The following DYNC2H1 variants were observed in gnomAD, a reference collection of about 807,000 sequenced individuals.
DYNC2H1 encodes cytoplasmic dynein 2 heavy chain 1.
In DYNC2H1, 410 loss-of-function variants were observed where a neutral mutation model predicts 570.0. The ratio of observed to expected loss-of-function variants is 0.72; its 90% CI spans 0.66 to 0.78. The LOEUF (loss-of-function observed/expected upper bound fraction) is 0.78. DYNC2H1 is among the 30% of genes least tolerant of loss of function. DYNC2H1 has a pLI of 0.00. For missense variants in DYNC2H1, 4,865 were observed against 5,046.4 expected, an observed-to-expected ratio of 0.96 and a Z score of 1.09; for synonymous variants, 1,688 against 1,677.6, an observed-to-expected ratio of 1.01 and a Z score of -0.15.
rs529776549 is a variant in DYNC2H1 at position 103,244,940 on chromosome 11, C to A, written c.9919-311C>A. Among the ~76,000 whole-genome samples the A allele has an allele frequency of 2.0e-5, 3 of 151,252 alleles. No homozygotes were observed. Among genetic ancestry groups the A allele is most frequent in the Non-Finnish European group, 4.4e-5 (3 of 67,728 alleles). Reference sequence around the variant, plus strand: ...GGTGATGTTTAAAACTACTCCTTCCCTATCTAGAAAGCCTTAAAATTCTTG... The same window carrying A: ...GGTGATGTTTAAAACTACTCCTTCCATATCTAGAAAGCCTTAAAATTCTTG... On this transcript the variant is annotated intron_variant, in intron 64 of 88. Transcript: ENST00000375735. The surrounding 1 kb of genome is among the most constrained non-coding windows in gnomAD (Gnocchi z 4.3).
chr11:103,136,193 TG>T (rs1372266784), intron 17 of DYNC2H1, among the ~76,000 whole-genome samples: 2 of 151,154 alleles, frequency 1.3e-5, no homozygotes, highest in Admixed American at 6.6e-5. Flanking sequence ...TTGTTTTTTT[TG>T]GTTTTTTATT....
Position 103,366,862 on chromosome 11 carries a change from A to G in DYNC2H1, c.12156+8503A>G, listed in dbSNP as rs960981623. On this transcript the variant is annotated intron_variant, in intron 83 of 88. Transcript: ENST00000375735. ...TGAAATTGCTCTGTAATCTCTCTGT[A>G]TCCTTGAAATTTGATATCCCTTTGA... Among the ~76,000 whole-genome samples the G allele has an allele frequency of 2.4e-4, 37 of 152,274 alleles. 1 individual carries two copies. Among genetic ancestry groups the G allele is most frequent in the African/African-American group, 8.2e-4 (34 of 41,568 alleles).
rs760113289 is a variant in DYNC2H1 at position 103,254,714 on chromosome 11, G to A, written c.10207-701G>A. Among the ~76,000 whole-genome samples the A allele has an allele frequency of 3.3e-5, 5 of 152,064 alleles. No individual in the cohort carries two copies. The highest frequency in any genetic ancestry group is 6.6e-5 in the Admixed American group (1 of 15,246). ...TTTAATTGTAGTCATTCTAGTGGGAGTGAAGTGGTATCTTATTGTGGTTTT... is the reference window on the plus strand; with the variant it reads ...TTTAATTGTAGTCATTCTAGTGGGAATGAAGTGGTATCTTATTGTGGTTTT... On this transcript the variant is annotated intron_variant, in intron 66 of 88. Coordinates refer to ENST00000375735, the MANE Select transcript of DYNC2H1 (RefSeq NM_001377.3). This position sits in a 1 kb window ranked among gnomAD's most constrained non-coding sequence, Gnocchi z 4.9.
At chr11:103,287,664 A>T (rs1274373079) in intron 75 of DYNC2H1, 59 bp downstream of exon 75, 14 of 1,384,572 alleles carry the variant, frequency 1.0e-5, no homozygotes, top group African/African-American at 1.5e-5. Flanking sequence ...TTTTTAATTT[A>T]CCTTTCATTT....
intron 50 of DYNC2H1, among the ~76,000 whole-genome samples, chr11:103,202,526 A>G (rs1269536339): frequency 6.6e-6 from 1 of 151,874 alleles, no homozygotes; most frequent in Non-Finnish European, 1.5e-5. Context: ...TTTTTTGCTA[A>G]ATTTAAGGAA....
intron 43 of DYNC2H1, 120 bp from the exon 44 acceptor site, chr11:103,188,377 C>T: frequency 1.5e-6 from 1 of 662,962 alleles, no homozygotes; most frequent in Non-Finnish European, 2.4e-6. Context: ...ATCTAAAATT[C>T]TTGAGTTAGA....
intron 18 of DYNC2H1, among the ~76,000 whole-genome samples, chr11:103,146,746 G>T (rs1860261208): frequency 6.6e-6 from 1 of 151,948 alleles, no homozygotes; most frequent in African/African-American, 2.4e-5. Context: ...GGGATTACAG[G>T]CGTGCGCCAC....
intron 82 of DYNC2H1, among the ~76,000 whole-genome samples, chr11:103,339,009 C>G (rs972001960): frequency 6.6e-6 from 1 of 152,198 alleles, no homozygotes; most frequent in Non-Finnish European, 1.5e-5. Context: ...GTTACCATAG[C>G]TGTAGCTACT....
In DYNC2H1 at chr11:103,289,329, T is replaced by C. The variant is rs1019214469; in HGVS notation, c.11095+1724T>C. ...CTAGGCAATGGGCAAGGTGAACCCA[T>C]TGGGCACTAAAAAACCATAAGCTAA... On this transcript the variant is annotated intron_variant, in intron 75 of 88. Coordinates refer to ENST00000375735, the MANE Select transcript of DYNC2H1 (RefSeq NM_001377.3). The surrounding 1 kb of genome is among the most constrained non-coding windows in gnomAD (Gnocchi z 4.2). Among the ~76,000 whole-genome samples the C allele has an allele frequency of 1.3e-5, 2 of 152,104 alleles. No homozygotes were observed. Among genetic ancestry groups the C allele is most frequent in the African/African-American group, 2.4e-5 (1 of 41,408 alleles).
chr11:103,179,335 T>G (rs1209266301), intron 39 of DYNC2H1, 102 bp downstream of exon 39: 10 of 1,057,824 alleles, frequency 9.5e-6, no homozygotes, highest in Non-Finnish European at 1.1e-5. Context: ...GAATACATAT[T>G]TTTCCCATTT....
intron 82 of DYNC2H1, among the ~76,000 whole-genome samples, chr11:103,354,181 C>CA (rs71465391): frequency 0.1 from 11,844 of 116,282 alleles, 1,074 homozygotes; most frequent in African/African-American, 0.25. Context: ...TGTCTCAAAA[C>CA]AAAAAAAAAA....
chr11:103,318,814 C>G (rs899786869), intron 80 of DYNC2H1, among the ~76,000 whole-genome samples: 11 of 151,968 alleles, frequency 7.2e-5, no homozygotes, highest in Admixed American at 5.2e-4. Flanking sequence ...ATGTAACTTG[C>G]CCAAAATAAA....
chr11:103,351,266 CTAG>C (rs978855900), intron 82 of DYNC2H1, among the ~76,000 whole-genome samples: 3 of 152,086 alleles, frequency 2.0e-5, no homozygotes, highest in Non-Finnish European at 4.4e-5. Context: ...CTACCAGATG[CTAG>C]CATGGTATAT....
At chr11:103,152,113 G>GTTTT (rs10664799) in intron 20 of DYNC2H1, 23 bp from the exon 21 acceptor site, 937 of 1,364,932 alleles carry the variant, frequency 6.9e-4, no homozygotes, top group South Asian at 1.2e-3. Flanking sequence ...TATTCAATTT[G>GTTTT]TTTTTTTTTT....
chr11:103,251,305 A>C (rs1339284141), intron 65 of DYNC2H1, among the ~76,000 whole-genome samples: 4 of 152,130 alleles, frequency 2.6e-5, no homozygotes, highest in African/African-American at 9.6e-5. Context: ...TTCAAGCTTT[A>C]GAGTCTGATA....
chr11:103,297,819 G>C (rs1200759656), intron 75 of DYNC2H1, among the ~76,000 whole-genome samples: 1 of 151,846 alleles, frequency 6.6e-6, no homozygotes, highest in East Asian at 1.9e-4. Context: ...TGCTTTATTA[G>C]TACCAACCTA....
intron 22 of DYNC2H1, among the ~76,000 whole-genome samples, chr11:103,153,745 G>A (rs573275616): frequency 6.6e-6 from 1 of 151,940 alleles, no homozygotes; most frequent in East Asian, 1.9e-4. Context: ...TTACCTAGAA[G>A]TTATATCAGG....
intron 78 of DYNC2H1, among the ~76,000 whole-genome samples, chr11:103,309,518 A>G (rs1478819793): frequency 6.6e-6 from 1 of 151,080 alleles, no homozygotes; most frequent in Non-Finnish European, 1.5e-5. Flanking sequence ...TTAGATCAGT[A>G]CTGCTCTTTT....
chr11:103,462,832 G>T (rs181407740), intron 87 of DYNC2H1, among the ~76,000 whole-genome samples: 1 of 151,942 alleles, frequency 6.6e-6, no homozygotes, highest in African/African-American at 2.4e-5. Context: ...TATATGTGAC[G>T]CCTCTTAATG....
Sources: allele counts gnomAD v4.1 joint callset (sites outside exome capture counted in the v4.1 genomes callset), GRCh38; gene constraint gnomAD v4.1.1; non-coding constraint Gnocchi (gnomAD v3.1); transcripts MANE v1.5; gene names NCBI Gene and HGNC (gene_info 2026-07-23, HGNC 2026-07-21).